Variants in SLC26A7 observed in about 807,000 individuals in gnomAD.
The protein encoded by SLC26A7 is solute carrier family 26 member 7.
SLC26A7 carries 59 observed loss-of-function variants against 82.5 expected under a neutral mutation model. The observed-to-expected ratio is 0.72, with a 90% confidence interval of 0.58 to 0.89. The LOEUF (loss-of-function observed/expected upper bound fraction) is 0.89, where lower values mean the gene tolerates loss of function less well. Ranked by LOEUF, SLC26A7 falls within the 40% of genes least tolerant of loss-of-function variation. SLC26A7 has a pLI of 0.00. For synonymous variants in SLC26A7, 271 were observed against 274.3 expected (o/e 0.99, Z 0.12); for missense variants, 820 against 793.0 (o/e 1.03, Z -0.41).
At chr8:91,247,223 A>G (rs1334872063), upstream of SLC26A7, among the ~76,000 whole-genome samples, 3 of 152,204 alleles carry the variant, frequency 2.0e-5, no homozygotes, top group Admixed American at 6.5e-5. Flanking sequence ...GAAGATAACA[A>G]TTTCATCTTT....
intron 2 of SLC26A7, among the ~76,000 whole-genome samples, chr8:91,253,139 T>C (rs1472823101): frequency 6.6e-6 from 1 of 152,110 alleles, no homozygotes; most frequent in African/African-American, 2.4e-5. Context: ...TTGACATATA[T>C]ACAAAACTGA....
chr8:91,250,485 C>A (rs527480698), intron 2 of SLC26A7, among the ~76,000 whole-genome samples: 1 of 152,198 alleles, frequency 6.6e-6, no homozygotes, highest in Non-Finnish European at 1.5e-5. Flanking sequence ...AAATGATATT[C>A]TGGATTTAGA....
At chr8:91,272,089 T>A (rs1811288687) in intron 2 of SLC26A7, among the ~76,000 whole-genome samples, 1 of 152,174 alleles carries the variant, frequency 6.6e-6, no homozygotes, top group Admixed American at 6.5e-5. Flanking sequence ...GTAATGAACT[T>A]CTTAGTTTGA....
At chr8:91,275,751 C>T (rs964992442) in intron 2 of SLC26A7, among the ~76,000 whole-genome samples, 7 of 152,136 alleles carry the variant, frequency 4.6e-5, no homozygotes, top group East Asian at 1.9e-4. Flanking sequence ...GGTATGATAT[C>T]GGGTGTCCAA....
chr8:91,221,003 C>T (rs1371773416), intron 2 of SLC26A7, among the ~76,000 whole-genome samples: 2 of 152,194 alleles, frequency 1.3e-5, no homozygotes, highest in Non-Finnish European at 1.5e-5. Context: ...TAAAAGCATT[C>T]CTATTTCTCC....
intron 1 of SLC26A7, among the ~76,000 whole-genome samples, chr8:91,209,713 C>G (rs1242896783): frequency 1.3e-5 from 2 of 152,254 alleles, no homozygotes; most frequent in South Asian, 2.1e-4. Flanking sequence ...TGATTAGGTA[C>G]TGCTACTTTA....
chr8:91,382,155 T>A (rs1403397235), intron 15 of SLC26A7, among the ~76,000 whole-genome samples: 1 of 152,198 alleles, frequency 6.6e-6, no homozygotes, highest in East Asian at 1.9e-4. Context: ...TAATTGCCAT[T>A]CCAGCTTTAT....
chr8:91,282,311 C>T (rs554056454), intron 2 of SLC26A7, among the ~76,000 whole-genome samples: 4 of 152,170 alleles, frequency 2.6e-5, no homozygotes, highest in East Asian at 1.9e-4. Context: ...TCTCTGACTA[C>T]GGAATTTCTA....
chr8:91,334,973 C>G (rs1172815734), intron 6 of SLC26A7, among the ~76,000 whole-genome samples: 3 of 151,986 alleles, frequency 2.0e-5, no homozygotes, highest in Admixed American at 6.6e-5. Flanking sequence ...TTTGTTGTAC[C>G]TGGAAAAGCA....
intron 1 of SLC26A7, among the ~76,000 whole-genome samples, chr8:91,217,981 G>A (rs1233577928): frequency 6.6e-6 from 1 of 152,056 alleles, no homozygotes; most frequent in African/African-American, 2.4e-5. Flanking sequence ...ACATCACCAG[G>A]GTTAGAAGGC....
chr8:91,224,011 G>GT (rs1490124006), intron 2 of SLC26A7, among the ~76,000 whole-genome samples: 6 of 151,612 alleles, frequency 4.0e-5, no homozygotes, highest in Admixed American at 2.0e-4. Context: ...CTTGTGCTGT[G>GT]TTTTTTTAGC....
chr8:91,308,019 C>T (rs1812370701), intron 4 of SLC26A7, among the ~76,000 whole-genome samples: 1 of 151,918 alleles, frequency 6.6e-6, no homozygotes, highest in Non-Finnish European at 1.5e-5. Context: ...ACCTAATGTC[C>T]TTTTTTTGTG....
rs58981485 is a variant in SLC26A7 at position 91,316,451 on chromosome 8, ATTTTTTTTTTTT to A, written c.478-1737_478-1726del. Among the ~76,000 whole-genome samples the A allele has an allele frequency of 6.3e-3, 218 of 34,404 alleles. 1 individual carries two copies. Among genetic ancestry groups the A allele is most frequent in the African/African-American group, 0.023 (205 of 8,968 alleles). The allele number at this position is 34,404 out of a possible 152,430, so 22.6% of individuals were successfully genotyped here. ...GAACTCGCTGCCACACTCAACACTA[ATTTTTTTTTTTT>A]TTTTTTTTTTTTTTTTTTTTTTTTT... is the stretch of plus-strand genomic sequence containing the variant. On this transcript the variant is annotated intron_variant, in intron 4 of 18. Transcript: ENST00000276609.
intron 2 of SLC26A7, among the ~76,000 whole-genome samples, chr8:91,237,281 G>T (rs950197566): frequency 6.6e-6 from 1 of 152,172 alleles, no homozygotes; most frequent in Admixed American, 6.5e-5. Context: ...TTTTGTGTAA[G>T]TATATTCCAA....
intron 2 of SLC26A7, among the ~76,000 whole-genome samples, chr8:91,220,470 C>G (rs1810142318): frequency 6.6e-6 from 1 of 151,828 alleles, no homozygotes; most frequent in African/African-American, 2.4e-5. Flanking sequence ...TTTGCCGCCC[C>G]TATTGATCCA....
At chr8:91,244,211 T>C (rs1165090381) in intron 2 of SLC26A7, among the ~76,000 whole-genome samples, 8 of 152,204 alleles carry the variant, frequency 5.3e-5, no homozygotes, top group Admixed American at 5.2e-4. Context: ...TTATTTTACT[T>C]ATTTTTTATC....
rs1221049487 is a variant in SLC26A7 at position 91,397,330 on chromosome 8, T to C, written c.*2233T>C. The stretch of plus-strand genomic sequence containing the variant: ...AGTTTAGACACACAAGATTCTAAAA[T>C]GCAAATGTTTATTTTGAAGCAGGCA... On this transcript the variant is annotated 3_prime_UTR_variant, in exon 19 of 19. Coordinates refer to ENST00000276609, the MANE Select transcript of SLC26A7 (RefSeq NM_052832.4). 1 of 152,448 alleles carries C rather than the reference T, an allele frequency of 6.6e-6. No individual in the cohort carries two copies. Among genetic ancestry groups the C allele is most frequent in the Non-Finnish European group, 1.5e-5 (1 of 67,964 alleles). The allele number at this position is 152,448 out of a possible 1,614,324, so 9.4% of individuals were successfully genotyped here. A position where few individuals can be genotyped will look rare whatever the true frequency, so the allele number is the denominator to read the frequency against.
chr8:91,228,180 A>T (rs1033652549), intron 2 of SLC26A7, among the ~76,000 whole-genome samples: 1 of 152,254 alleles, frequency 6.6e-6, no homozygotes, highest in African/African-American at 2.4e-5. Context: ...CTGAGGGGCC[A>T]GAGAAATCAC....
chr8:91,290,920 C>T, intron 3 of SLC26A7, among the ~76,000 whole-genome samples: 1 of 152,150 alleles, frequency 6.6e-6, no homozygotes, highest in East Asian at 1.9e-4. Flanking sequence ...CATGAACCAG[C>T]AGGTTCAGCA....
Sources: gnomAD v4.1 joint callset for allele counts (sites outside exome capture counted in the v4.1 genomes callset) on GRCh38, gnomAD v4.1.1 for gene constraint, MANE v1.5 for transcripts, NCBI Gene and HGNC (gene_info 2026-07-23, HGNC 2026-07-21) for gene names.